JAZF1: variants seen among roughly 807,000 people sequenced by gnomAD.
JAZF1 encodes the protein juxtaposed with another zinc finger protein 1.
Under a neutral mutation model 26.4 loss-of-function variants are expected in JAZF1, and 8 were observed. The observed-to-expected ratio is 0.30, with a 90% CI of 0.18 to 0.55. The LOEUF is 0.55. JAZF1 is among the 20% of genes least tolerant of loss of function. The pLI, the probability that JAZF1 is intolerant of heterozygous loss-of-function variation, is 0.94. For synonymous variants in JAZF1, 126 were observed against 122.3 expected, an observed-to-expected ratio of 1.03 and a Z score of -0.20; for missense variants, 199 against 322.0, an observed-to-expected ratio of 0.62 and a Z score of 2.92.
intron 1 of JAZF1, among the ~76,000 whole-genome samples, chr7:28,087,487 T>C (rs899936318): frequency 6.6e-6 from 1 of 151,984 alleles, no homozygotes; most frequent in Non-Finnish European, 1.5e-5. Context: ...TTTACCAAAA[T>C]AGGATTTAAA....
chr7:28,069,650 T>C (rs1783943119), intron 1 of JAZF1, among the ~76,000 whole-genome samples: 1 of 152,084 alleles, frequency 6.6e-6, no homozygotes. Context: ...ACTTGGAACA[T>C]ACATAATGAC....
At chr7:28,096,249 G>A (rs577168718) in intron 1 of JAZF1, among the ~76,000 whole-genome samples, 6 of 152,322 alleles carry the variant, frequency 3.9e-5, no homozygotes, top group Admixed American at 3.3e-4. Flanking sequence ...AGTGGTTAGG[G>A]TTGTCCGAGA....
intron 4 of JAZF1, among the ~76,000 whole-genome samples, chr7:27,837,717 G>A (rs1468532648): frequency 6.6e-6 from 1 of 152,030 alleles, no homozygotes; most frequent in African/African-American, 2.4e-5. Flanking sequence ...GAGGGAGAGA[G>A]GAAGGGACAG....
intron 2 of JAZF1, among the ~76,000 whole-genome samples, chr7:27,920,903 A>G (rs888323802): frequency 1.3e-5 from 2 of 152,256 alleles, no homozygotes; most frequent in African/African-American, 4.8e-5. Flanking sequence ...AATGTTGGCA[A>G]GTCTCACCTG....
At chr7:28,082,275 C>T (rs1236224834) in intron 1 of JAZF1, among the ~76,000 whole-genome samples, 1 of 152,128 alleles carries the variant, frequency 6.6e-6, no homozygotes, top group African/African-American at 2.4e-5. Flanking sequence ...ATGTCACTCA[C>T]CCTTGCAGCC....
rs62449900 is a variant in JAZF1 at position 28,062,995 on chromosome 7, C to G, written c.116-71014G>C. Among the ~76,000 whole-genome samples, 1,255 of 152,258 alleles carry G rather than the reference C, an allele frequency of 8.2e-3. 7 individuals are homozygous for G. Among genetic ancestry groups the G allele is most frequent in the Non-Finnish European group, 0.011 (765 of 68,020 alleles). ...TGTCAGCTGAAATGTTGGCCAACTACATGTTTTGAAAAACTTTGAATGATG... is the reference window on the plus strand; with the variant it reads ...TGTCAGCTGAAATGTTGGCCAACTAGATGTTTTGAAAAACTTTGAATGATG... On this transcript the variant is annotated intron_variant, in intron 1 of 4. Transcript: ENST00000283928.
At chr7:28,109,840 C>A (rs985431678) in intron 1 of JAZF1, among the ~76,000 whole-genome samples, 13 of 151,994 alleles carry the variant, frequency 8.6e-5, no homozygotes, top group Non-Finnish European at 1.8e-4. Context: ...ACAGGGCCAA[C>A]AACTGAAGAG....
At chr7:28,166,481 T>C (rs1783369114) in intron 1 of JAZF1, among the ~76,000 whole-genome samples, 1 of 152,208 alleles carries the variant, frequency 6.6e-6, no homozygotes. Context: ...GATTTCTTCA[T>C]AAAAGCCCTA....
intron 1 of JAZF1, among the ~76,000 whole-genome samples, chr7:28,155,760 A>G (rs1349351056): frequency 6.6e-6 from 1 of 152,226 alleles, no homozygotes; most frequent in Non-Finnish European, 1.5e-5. Flanking sequence ...CTGTGACAGC[A>G]CAGAATGTAT....
intron 1 of JAZF1, among the ~76,000 whole-genome samples, chr7:28,061,165 A>G (rs564735269): frequency 6.6e-6 from 1 of 152,366 alleles, no homozygotes; most frequent in East Asian, 1.9e-4. Flanking sequence ...AGTGCAGTAA[A>G]GCACTTAGAA....
intron 2 of JAZF1, among the ~76,000 whole-genome samples, chr7:27,941,892 G>A (rs1470513576): frequency 6.6e-6 from 1 of 152,208 alleles, no homozygotes; most frequent in East Asian, 1.9e-4. Context: ...GGAAAGTGGG[G>A]TAAGGGGGAG....
intron 2 of JAZF1, among the ~76,000 whole-genome samples, chr7:27,979,646 A>ACAC (rs995716827): frequency 6.6e-6 from 1 of 152,102 alleles, no homozygotes; most frequent in Non-Finnish European, 1.5e-5. Context: ...TCTGAAAGAA[A>ACAC]CACCCAGGGA....
At chr7:28,122,254 A>G (rs1782616863) in intron 1 of JAZF1, among the ~76,000 whole-genome samples, 1 of 152,192 alleles carries the variant, frequency 6.6e-6, no homozygotes, top group Non-Finnish European at 1.5e-5. Context: ...GTCTTCTCTA[A>G]TGCGCTCCCA....
chr7:28,176,640 A>G (rs1315005209), intron 1 of JAZF1, among the ~76,000 whole-genome samples: 1 of 152,190 alleles, frequency 6.6e-6, no homozygotes, highest in Non-Finnish European at 1.5e-5. Flanking sequence ...TGATATTTTC[A>G]TTTTGTTAAC....
intron 2 of JAZF1, among the ~76,000 whole-genome samples, chr7:27,984,868 A>C (rs1282988317): frequency 6.6e-6 from 1 of 152,254 alleles, no homozygotes; most frequent in Non-Finnish European, 1.5e-5. Context: ...GTACACAACA[A>C]AATGAAGGCA....
chr7:27,862,352 C>CT (rs1227401605), intron 3 of JAZF1, among the ~76,000 whole-genome samples: 1 of 152,096 alleles, frequency 6.6e-6, no homozygotes, highest in Non-Finnish European at 1.5e-5. Flanking sequence ...CCCTTGTCCC[C>CT]TCCCGCCTCC....
chr7:28,093,168 A>C (rs1784330041), intron 1 of JAZF1, among the ~76,000 whole-genome samples: 1 of 152,162 alleles, frequency 6.6e-6, no homozygotes, highest in Non-Finnish European at 1.5e-5. Context: ...CTGTATCCCC[A>C]CCCAAATCTC....
At chr7:27,890,972 T>C (rs964942377) in intron 3 of JAZF1, among the ~76,000 whole-genome samples, 2 of 151,836 alleles carry the variant, frequency 1.3e-5, no homozygotes, top group African/African-American at 4.8e-5. Flanking sequence ...ATATTTTTGG[T>C]AGAGATGGGG....
intron 1 of JAZF1, among the ~76,000 whole-genome samples, chr7:28,017,449 G>A (rs1782914857): frequency 6.6e-6 from 1 of 151,886 alleles, no homozygotes; most frequent in South Asian, 2.1e-4. Context: ...GCTGTTTTCG[G>A]CTTCTTCCAG....
Sources: gnomAD v4.1 joint callset for allele counts (sites outside exome capture counted in the v4.1 genomes callset) on GRCh38, gnomAD v4.1.1 for gene constraint, MANE v1.5 for transcripts, NCBI Gene and HGNC (gene_info 2026-07-23, HGNC 2026-07-21) for gene names.